The following ALX3 variants were observed in gnomAD, a reference collection of about 807,000 sequenced individuals.
ALX3 encodes homeobox protein aristaless-like 3.
In ALX3, 17 loss-of-function variants were observed where a neutral mutation model predicts 26.3. That is an observed-to-expected ratio of 0.65 (90% CI 0.44 to 0.97). The LOEUF (loss-of-function observed/expected upper bound fraction) is 0.97. ALX3 is among the 50% of genes least tolerant of loss of function. ALX3 has a pLI of 0.00. For synonymous variants in ALX3, 208 were observed against 201.4 expected, an observed-to-expected ratio of 1.03 and a Z score of -0.28; for missense variants, 461 against 466.5, an observed-to-expected ratio of 0.99 and a Z score of 0.11.
chr1:110,066,119 TG>T lies in ALX3; in HGVS notation c.278-1217del, dbSNP rs3835717. Among the ~76,000 whole-genome samples, 4 of 152,260 alleles carry T rather than the reference TG, an allele frequency of 2.6e-5. No individual in the cohort carries two copies. The East Asian group carries it at 7.7e-4, about 29-fold the overall frequency. Reference sequence around the variant, plus strand: ...TTGGTGTCAGGATCACAGCTGTGGTTGGGGGAGGATGGGACTGGACAAATGG... The same window carrying T: ...TTGGTGTCAGGATCACAGCTGTGGTTGGGGAGGATGGGACTGGACAAATGG... On this transcript the variant is annotated intron_variant, in intron 1 of 3. Transcript: ENST00000647563.
chr1:110,061,498 C>T lies in ALX3; in HGVS notation c.660G>A (p.Gly220=). ...KRERYGKIQE[G]RNPFTAAYDI... ...CATAGGCAGCCGTGAAGGGGTTCCG[C>T]CCCTCCTGGATCTTCCCATAACGCT... is the stretch of plus-strand genomic sequence containing the variant. Residue 220 remains glycine, a synonymous_variant, in exon 3 of 4, where the codon GGG becomes GGA. Transcript: ENST00000647563. 1.2e-6 allele frequency: 2 copies of T among 1,614,230 alleles called. No homozygotes were observed. Among genetic ancestry groups the T allele is most frequent in the South Asian group, 2.2e-5 (2 of 91,090 alleles).
intron 1 of ALX3, among the ~76,000 whole-genome samples, chr1:110,069,566 C>G (rs908077030): frequency 1.3e-5 from 2 of 152,212 alleles, no homozygotes; most frequent in South Asian, 2.1e-4. Flanking sequence ...GAGCCCGCGG[C>G]GCCAGGGGGT....
chr1:110,061,728 G>T, intron 2 of ALX3, 165 bp from the exon 3 acceptor site: 4 of 1,167,362 alleles, frequency 3.4e-6, no homozygotes, highest in Non-Finnish European at 4.7e-6. Context: ...AGGGAAGCCT[G>T]GGAGGAAGCC....
At chr1:110,063,428 G>C (rs966715714) in intron 2 of ALX3, among the ~76,000 whole-genome samples, 1 of 152,150 alleles carries the variant, frequency 6.6e-6, no homozygotes, top group African/African-American at 2.4e-5. Context: ...AGGGGAAACA[G>C]CCCAAGCCTC....
intron 3 of ALX3, 56 bp from the exon 4 acceptor site, chr1:110,061,097 C>T (rs1302778470): frequency 1.3e-6 from 2 of 1,548,028 alleles, no homozygotes; most frequent in Non-Finnish European, 1.7e-6. Flanking sequence ...GCTGACTTCC[C>T]TACCCAGGGG....
At chr1:110,063,628 TG>T (rs1653708964) in intron 2 of ALX3, among the ~76,000 whole-genome samples, 1 of 151,954 alleles carries the variant, frequency 6.6e-6, no homozygotes. Flanking sequence ...GTCTCCTCCA[TG>T]GTGGGAGAGA....
Position 110,064,613 on chromosome 1 carries a change from T to A in ALX3, c.568A>T (p.Thr190Ser). 6.2e-7 allele frequency: 1 copy of A among 1,614,132 alleles called. No individual in the cohort carries two copies. Among genetic ancestry groups the A allele is most frequent in the Non-Finnish European group, 8.5e-7 (1 of 1,180,038 alleles). Reference sequence around the variant, plus strand: ...TGTACCCGGGCCTCAGTCAGGTCTGTGCGCAGGGCCAGCTGCTCCCGGGCA... The same window carrying A: ...TGTACCCGGGCCTCAGTCAGGTCTGAGCGCAGGGCCAGCTGCTCCCGGGCA... ...VYAREQLALR[T>S]DLTEARVQVW... The change falls in exon 2 of 4, where the codon ACA (threonine) becomes TCA (serine). Residue 190 changes from threonine (T) to serine (S), a missense_variant. This residue lies in a region of ALX3 where 51 missense variants were observed against 82.4 expected (regional missense o/e 0.62). Coordinates refer to ENST00000647563, the MANE Select transcript of ALX3 (RefSeq NM_006492.3).
intron 1 of ALX3, among the ~76,000 whole-genome samples, 183 bp from the exon 2 acceptor site, chr1:110,065,086 C>G (rs1653751098): frequency 6.6e-6 from 1 of 151,980 alleles, no homozygotes; most frequent in Admixed American, 6.5e-5. Flanking sequence ...TGCTGAGCCT[C>G]CAGCTGGGGA....
At position 110,060,591 on chromosome 1, in the gene ALX3, C is replaced by T. The variant is rs1371973560; in HGVS notation, c.*142G>A. 12 of 724,246 alleles carry T rather than the reference C, an allele frequency of 1.7e-5. No individual in the cohort carries two copies. The highest frequency in any genetic ancestry group is 3.0e-4 in the Middle Eastern group (1 of 3,320). 44.9% of individuals were successfully genotyped at this position (724,246 alleles called of 1,614,324 possible). A position where few individuals can be genotyped will look rare whatever the true frequency, so the allele number is the denominator to read the frequency against. ...TGTTCTAAGAGAAAAGACCCTGTAA[C>T]GTGTTCCCTGCTGGGGGCTGACAGT... On this transcript the variant is annotated 3_prime_UTR_variant, in exon 4 of 4. Transcript: ENST00000647563.
chr1:110,068,931 G>A (rs12566942), intron 1 of ALX3, among the ~76,000 whole-genome samples: 1 of 152,204 alleles, frequency 6.6e-6, no homozygotes, highest in Non-Finnish European at 1.5e-5. Context: ...TGCAGTTCGC[G>A]CGGCACCGGT....
At chr1:110,061,339 C>G in intron 3 of ALX3, 96 bp downstream of exon 3, 3 of 1,583,144 alleles carry the variant, frequency 1.9e-6, no homozygotes, top group Non-Finnish European at 2.6e-6. Flanking sequence ...CACTGTCATA[C>G]AGAACGCTGA....
intron 3 of ALX3, 95 bp from the exon 4 acceptor site, chr1:110,061,136 A>G (rs1353163077): frequency 2.9e-6 from 4 of 1,402,852 alleles, no homozygotes; most frequent in Non-Finnish European, 3.9e-6. Context: ...GGCCCCAGAA[A>G]CTTTCCAGGA....
In ALX3 at chr1:110,060,768, T is replaced by C. The variant is rs757495070; in HGVS notation, c.997A>G (p.Lys333Glu). The change falls in exon 4 of 4, where the codon AAG becomes GAG. Residue 333 changes from lysine to glutamate, a missense_variant. Lys to Glu is a moderately conservative substitution (Grantham distance 56). This residue lies in a region of ALX3 where 169 missense variants were observed against 178.0 expected (regional missense o/e 0.95). Transcript: ENST00000647563. ...CAGTTCAGAAGGCCGGGTGGCTCCT[T>C]GGGCTTTACCCTGAGCGAGACGAGG... ...PSLVSLRVKP[K>E]EPPGLLNWTT is the part of the protein sequence containing the mutation. The C allele has an allele frequency of 2.0e-6, 3 of 1,499,726 alleles. No homozygotes were observed. Among genetic ancestry groups the C allele is most frequent in the Non-Finnish European group, 2.7e-6 (3 of 1,124,680 alleles). 92.9% of individuals were successfully genotyped at this position (1,499,726 alleles called of 1,614,324 possible).
Position 110,061,465 on chromosome 1 carries a change from A to G in ALX3, c.693T>C (p.Ser231=). Residue 231 remains serine (S), a synonymous_variant, in exon 3 of 4, where the codon TCT becomes TCC. Coordinates refer to ENST00000647563, the MANE Select transcript of ALX3 (RefSeq NM_006492.3). ...RNPFTAAYDI[S]VLPRTDSHPQ... The stretch of plus-strand genomic sequence containing the variant: ...GGTGGCTGTCAGTACGGGGCAGCAC[A>G]GAGATGTCATAGGCAGCCGTGAAGG... 1 of 1,614,198 alleles carries G rather than the reference A, an allele frequency of 6.2e-7. No homozygotes were observed. Among genetic ancestry groups the G allele is most frequent in the Non-Finnish European group, 8.5e-7 (1 of 1,180,014 alleles).
At chr1:110,067,870 C>T (rs1416861924) in intron 1 of ALX3, among the ~76,000 whole-genome samples, 1 of 152,200 alleles carries the variant, frequency 6.6e-6, no homozygotes, top group African/African-American at 2.4e-5. Flanking sequence ...GCCCAGAAGC[C>T]TCAGCCCGGG....
rs1192168573 is a variant in ALX3, at chr1:110,061,408, C to G, written c.723+27G>C. 3 of 1,614,218 alleles carry G rather than the reference C, an allele frequency of 1.9e-6. No individual in the cohort carries two copies. The Admixed American group carries it at 5.0e-5, about 27-fold the overall frequency. ...TTCTTTTTGGTGACCCTGCCAGGTC[C>G]TGGTTCAGGTAGGGCTGGGGTCTTA... On this transcript the variant is annotated intron_variant, in intron 3 of 3. Coordinates refer to ENST00000647563, the MANE Select transcript of ALX3 (RefSeq NM_006492.3).
rs747814890 is a variant in ALX3, at chr1:110,060,789, C to T, written c.976G>A (p.Val326Ile). Residue 326 changes from valine (V) to isoleucine (I), a missense_variant, in exon 4 of 4, where the codon GTC (valine) becomes ATC (isoleucine). Physicochemically the swap from Val to Ile is conservative, Grantham distance 29. This residue lies in a region of ALX3 where 169 missense variants were observed against 178.0 expected (regional missense o/e 0.95). Transcript: ENST00000647563. ...TCCTTGGGCTTTACCCTGAGCGAGACGAGGCTTGGAGACTTATAGTCACCA... is the reference window on the plus strand; with the variant it reads ...TCCTTGGGCTTTACCCTGAGCGAGATGAGGCTTGGAGACTTATAGTCACCA... ...SDGDYKSPSL[V>I]SLRVKPKEPP... 3.1e-6 allele frequency: 5 copies of T among 1,612,516 alleles called. No homozygotes were observed. The highest frequency in any genetic ancestry group is 1.7e-5 in the Admixed American group (1 of 59,828).
In ALX3 at chr1:110,060,720, T is replaced by C. The variant is rs745864846; in HGVS notation, c.*13A>G. 2 of 1,392,740 alleles carry C rather than the reference T, an allele frequency of 1.4e-6. No homozygotes were observed. Among genetic ancestry groups the C allele is most frequent in the East Asian group, 5.9e-5 (2 of 33,854 alleles). The allele number at this position is 1,392,740 out of a possible 1,614,324, so 86.3% of individuals were successfully genotyped here. A position where few individuals can be genotyped will look rare whatever the true frequency, so the allele number is the denominator to read the frequency against. On this transcript the variant is annotated 3_prime_UTR_variant, in exon 4 of 4. Coordinates refer to ENST00000647563, the MANE Select transcript of ALX3 (RefSeq NM_006492.3). ...AGAGGTGGGCAGCTCATTCTGCAGG[T>C]CCATGCAACCGATCACGTGGTCCAG...
Position 110,060,685 on chromosome 1 carries a change from GAA to G in ALX3, c.*46_*47del, listed in dbSNP as rs1318258014. The stretch of plus-strand genomic sequence containing the variant: ...GCAGAGGTGGGCTGGGAGCGACTGG[GAA>G]TGGAAAAAGAGGTGGGCAGCTCATT... On this transcript the variant is annotated 3_prime_UTR_variant, in exon 4 of 4. Transcript: ENST00000647563. 1.9e-5 allele frequency: 11 copies of G among 571,208 alleles called. No individual in the cohort carries two copies. Among genetic ancestry groups the G allele is most frequent in the Non-Finnish European group, 2.5e-5 (11 of 436,750 alleles). The allele number at this position is 571,208 out of a possible 1,614,324, so 35.4% of individuals were successfully genotyped here. A position where few individuals can be genotyped will look rare whatever the true frequency, so the allele number is the denominator to read the frequency against.
Sources: allele counts gnomAD v4.1 joint callset (sites outside exome capture counted in the v4.1 genomes callset), GRCh38; gene constraint gnomAD v4.1.1; regional missense constraint gnomAD v4.1.1; transcripts MANE v1.5; gene names NCBI Gene and HGNC (gene_info 2026-07-23, HGNC 2026-07-21).